Variants in ROR2 observed in about 807,000 individuals in gnomAD.
ROR2 encodes the protein ROR family WNT receptor 2.
In ROR2, 33 loss-of-function variants were observed where a neutral mutation model predicts 74.9. The observed-to-expected ratio is 0.44, with a 90% CI of 0.33 to 0.59. The LOEUF (loss-of-function observed/expected upper bound fraction) is 0.59. Ranked by LOEUF, ROR2 falls within the 20% of genes least tolerant of loss-of-function variation. The probability of loss-of-function intolerance (pLI) is 0.02; values close to 1 mark genes in which losing one functional copy is unlikely to be tolerated. For synonymous variants in ROR2, 586 were observed against 558.7 expected, an observed-to-expected ratio of 1.05 and a Z score of -0.69; for missense variants, 1,216 against 1,313.8, an observed-to-expected ratio of 0.93 and a Z score of 1.15.
At chr9:91,923,707 C>G (rs1564041654) in intron 1 of ROR2, 1 of 152,268 alleles carries the variant, frequency 6.6e-6, no homozygotes, top group Non-Finnish European at 1.5e-5. Context: ...TTAACCCTCA[C>G]ATGCAATTTT....
rs114394956 is a variant in ROR2, at chr9:91,773,109, G to A, written c.175+2632C>T. Among the ~76,000 whole-genome samples, 242 of 152,298 alleles carry A rather than the reference G, an allele frequency of 1.6e-3. 1 individual carries two copies. The highest frequency in any genetic ancestry group is 5.7e-3 in the African/African-American group (235 of 41,558). On this transcript the variant is annotated intron_variant, in intron 2 of 8. Coordinates refer to ENST00000375708, the MANE Select transcript of ROR2 (RefSeq NM_004560.4). ...AAGAACAGCTCCCATCCCACATGCA[G>A]TCCCAGGGCCCCTGCAGCCCTCTGC... is the stretch of plus-strand genomic sequence containing the variant.
At chr9:91,785,328 C>T (rs1415372593) in intron 1 of ROR2, among the ~76,000 whole-genome samples, 3 of 152,254 alleles carry the variant, frequency 2.0e-5, no homozygotes, top group African/African-American at 7.2e-5. Flanking sequence ...AGTTCCTACA[C>T]AAGGCCTCCC....
intron 1 of ROR2, among the ~76,000 whole-genome samples, chr9:91,903,804 T>A (rs1217236838): frequency 6.6e-6 from 1 of 152,108 alleles, no homozygotes; most frequent in African/African-American, 2.4e-5. Flanking sequence ...CAGACTGGGG[T>A]CGTGGAGAGA....
chr9:91,895,468 G>T (rs1830512859), intron 1 of ROR2, among the ~76,000 whole-genome samples: 1 of 152,176 alleles, frequency 6.6e-6, no homozygotes, highest in East Asian at 1.9e-4. Context: ...TCTGGTAGGG[G>T]ATGTTGGGCA....
chr9:91,740,352 T>C (rs190679367), intron 4 of ROR2, among the ~76,000 whole-genome samples: 3 of 151,964 alleles, frequency 2.0e-5, no homozygotes, highest in Non-Finnish European at 4.4e-5. Context: ...ATCGAGACCA[T>C]CCTGGCTAAC....
chr9:91,914,928 C>G (rs1019224003), intron 1 of ROR2, among the ~76,000 whole-genome samples: 1 of 151,858 alleles, frequency 6.6e-6, no homozygotes, highest in Non-Finnish European at 1.5e-5. Flanking sequence ...TTGAAGAGTA[C>G]ATTTATCATC....
At chr9:91,756,402 G>A (rs1825750668) in intron 3 of ROR2, among the ~76,000 whole-genome samples, 1 of 152,176 alleles carries the variant, frequency 6.6e-6, no homozygotes, top group Admixed American at 6.5e-5. Context: ...GGATGGCGTG[G>A]GCTTCGGTGG....
Position 91,723,828 on chromosome 9 carries a change from A to G in ROR2, c.2666T>C (p.Leu889Pro). Residue 889 changes from leucine (L) to proline (P), a missense_variant, in exon 9 of 9, where the codon CTG becomes CCG. Coordinates refer to ENST00000375708, the MANE Select transcript of ROR2 (RefSeq NM_004560.4). ...TGTGTCATCAGCGCCCTCTGAGAGC[A>G]GGGCTGCCCTGTCTGCCATGGATGT... is the stretch of plus-strand genomic sequence containing the variant. ...SNTSMADRAALLSEGADDTQN... is the reference protein window; with the variant it reads ...SNTSMADRAAPLSEGADDTQN... 6.2e-7 allele frequency: 1 copy of G among 1,613,996 alleles called. No individual in the cohort carries two copies. Among genetic ancestry groups the G allele is most frequent in the Non-Finnish European group, 8.5e-7 (1 of 1,180,018 alleles).
intron 3 of ROR2, among the ~76,000 whole-genome samples, chr9:91,756,846 G>A (rs183208754): frequency 4.8e-4 from 72 of 149,562 alleles, no homozygotes; most frequent in African/African-American, 1.6e-3. Flanking sequence ...CACCTCCCAG[G>A]TTCAAGCGAT....
At chr9:91,946,426 G>A (rs567751429) in intron 1 of ROR2, among the ~76,000 whole-genome samples, 65 of 152,208 alleles carry the variant, frequency 4.3e-4, no homozygotes, top group Non-Finnish European at 8.1e-4. Context: ...CCTTCACCAC[G>A]TGGAAACCAC....
At chr9:91,900,419 C>A (rs1346995049) in intron 1 of ROR2, among the ~76,000 whole-genome samples, 1 of 152,240 alleles carries the variant, frequency 6.6e-6, no homozygotes, top group Non-Finnish European at 1.5e-5. Context: ...ACGCAGGGAA[C>A]GGTGGCGGCG....
At chr9:91,775,887 T>C (rs1372918550) in intron 1 of ROR2, 69 bp from the exon 2 acceptor site, 5 of 1,340,946 alleles carry the variant, frequency 3.7e-6, no homozygotes, top group East Asian at 2.4e-5. Context: ...TTGCTTCTTA[T>C]GCAAAGACAA....
intron 1 of ROR2, among the ~76,000 whole-genome samples, chr9:91,935,841 G>A (rs771564583): frequency 3.3e-5 from 5 of 152,234 alleles, no homozygotes; most frequent in Non-Finnish European, 7.3e-5. Context: ...GAGACAGATG[G>A]GCAGCCTAGC....
intron 2 of ROR2, among the ~76,000 whole-genome samples, chr9:91,766,528 G>A (rs553807848): frequency 7.8e-4 from 119 of 152,290 alleles, no homozygotes; most frequent in African/African-American, 2.7e-3. Context: ...CAACGTCATC[G>A]ATTCTCTAGG....
At chr9:91,947,334 G>A (rs1230519986) in intron 1 of ROR2, among the ~76,000 whole-genome samples, 1 of 152,204 alleles carries the variant, frequency 6.6e-6, no homozygotes, top group Non-Finnish European at 1.5e-5. Context: ...TTTTCAGGGT[G>A]ACATGCTTTA....
chr9:91,861,968 C>T (rs1385272669), intron 1 of ROR2, among the ~76,000 whole-genome samples: 2 of 152,054 alleles, frequency 1.3e-5, no homozygotes, highest in Admixed American at 6.5e-5. Context: ...TTGTGGAAGT[C>T]ATTAGGTTTT....
At chr9:91,824,451 G>A (rs1010158773) in intron 1 of ROR2, among the ~76,000 whole-genome samples, 3 of 152,302 alleles carry the variant, frequency 2.0e-5, no homozygotes, top group East Asian at 1.9e-4. Flanking sequence ...TGCACACGCC[G>A]GGGGCAGGGC....
chr9:91,724,971 G>A lies in ROR2; in HGVS notation c.1523C>T (p.Thr508Met), dbSNP rs148289272. The part of the protein sequence containing the change: ...GEQTQAVAIK[T>M]LKDKAEGPLR... ...GGGCCCCTCCGCTTTGTCCTTCAGC[G>A]TTTTGATGGCCACAGCCTGGGTCTG... The change falls in exon 9 of 9, where the codon ACG becomes ATG. Residue 508 changes from threonine (T) to methionine (M), a missense_variant. By Grantham distance (81) the Thr-to-Met change is moderately conservative. Transcript: ENST00000375708. 17 of 1,613,584 alleles carry A rather than the reference G, an allele frequency of 1.1e-5. No homozygotes were observed. In the African/African-American group the frequency reaches 1.1e-4, roughly 10 times the overall value.
At chr9:91,873,698 A>ACAC (rs1295754922) in intron 1 of ROR2, among the ~76,000 whole-genome samples, 1 of 152,200 alleles carries the variant, frequency 6.6e-6, no homozygotes, top group African/African-American at 2.4e-5. Flanking sequence ...GCAGATGTAC[A>ACAC]CACCACCTCC....
Sources: allele counts gnomAD v4.1 joint callset (sites outside exome capture counted in the v4.1 genomes callset), GRCh38; gene constraint gnomAD v4.1.1; transcripts MANE v1.5; gene names NCBI Gene and HGNC (gene_info 2026-07-23, HGNC 2026-07-21).